TET3: variants seen among roughly 807,000 people sequenced by gnomAD.
TET3 encodes the protein methylcytosine dioxygenase TET3.
In TET3, 19 loss-of-function variants were observed where a neutral mutation model predicts 141.4. That is an observed-to-expected ratio of 0.13 (90% CI 0.09 to 0.20). The LOEUF (loss-of-function observed/expected upper bound fraction) is 0.20, where lower values mean the gene tolerates loss of function less well. TET3 is among the 10% of genes least tolerant of loss of function. The probability of loss-of-function intolerance (pLI) is 1.00; values close to 1 mark genes in which losing one functional copy is unlikely to be tolerated. For missense variants in TET3, 1,874 were observed against 2,356.9 expected, an observed-to-expected ratio of 0.80 and a Z score of 4.24; for synonymous variants, 1,043 against 980.9, an observed-to-expected ratio of 1.06 and a Z score of -1.18.
intron 2 of TET3, 39 bp from the exon 3 acceptor site, chr2:74,003,071 A>G: frequency 6.5e-7 from 1 of 1,549,644 alleles, no homozygotes; most frequent in African/African-American, 1.4e-5. Flanking sequence ...CCTTCCTGGT[A>G]CCCGCCTGGC....
At chr2:74,034,614 A>T (rs944669557) in intron 3 of TET3, among the ~76,000 whole-genome samples, 7 of 147,546 alleles carry the variant, frequency 4.7e-5, no homozygotes, top group Admixed American at 1.4e-4. Flanking sequence ...AGATTCTGGG[A>T]TTCATTGATG....
At chr2:74,020,490 A>G (rs909572529) in intron 3 of TET3, among the ~76,000 whole-genome samples, 2 of 152,282 alleles carry the variant, frequency 1.3e-5, no homozygotes, top group South Asian at 2.1e-4. Context: ...TTTGCATTTT[A>G]TATGTAAGCT....
At position 74,047,752 on chromosome 2, in the gene TET3, C is replaced by T. The variant is rs768610070; in HGVS notation, c.1835C>T (p.Ser612Phe). 3.1e-6 allele frequency: 5 copies of T among 1,613,794 alleles called. No homozygotes were observed. The South Asian group carries it at 5.5e-5, about 18-fold the overall frequency. ...CGAAAGCCCATTCAGATCAAGAAGT[C>T]CAGGCCCCGGGAAGCACAGCCCCTC... is the stretch of plus-strand genomic sequence containing the variant. The part of the protein sequence containing the change: ...SVRKPIQIKK[S>F]RPREAQPLFP... Residue 612 changes from serine to phenylalanine, a missense_variant, in exon 4 of 12, where the codon TCC becomes TTC. By Grantham distance (155) the Ser-to-Phe change is radical. Transcript: ENST00000409262.
In TET3 at chr2:74,101,054, G is replaced by C. The variant is rs374466497; in HGVS notation, c.4266G>C (p.Leu1422=). ...RDAGKMGKTP[L]SEVSQNGGPS... ...CTGGCAAGATGGGCAAGACACCTCT[G>C]TCCGAGGTGTCTCAGAATGGAGGAC... Residue 1422 remains leucine, a synonymous_variant, in exon 12 of 12, where the codon CTG becomes CTC. Coordinates refer to ENST00000409262, the MANE Select transcript of TET3 (RefSeq NM_001287491.2). This position sits in a 1 kb window ranked among gnomAD's most constrained non-coding sequence, Gnocchi z 8.5. 8.1e-6 allele frequency: 13 copies of C among 1,612,794 alleles called. No homozygotes were observed. In the Middle Eastern group the frequency reaches 4.9e-4, roughly 61 times the overall value.
At position 74,016,388 on chromosome 2, in the gene TET3, G is replaced by A. The variant is rs1685729798; in HGVS notation, c.360+13222G>A. ...CTGTTAGGTAGGGATAAAGAAAAAA[G>A]AGTGACATGATTCTTACATGCATTA... On this transcript the variant is annotated intron_variant, in intron 3 of 11. Coordinates refer to ENST00000409262, the MANE Select transcript of TET3 (RefSeq NM_001287491.2). 2.6e-5 allele frequency among the ~76,000 whole-genome samples: 4 copies of A among 151,798 alleles called. No homozygotes were observed. In the South Asian group the frequency reaches 6.2e-4, roughly 24 times the overall value.
intron 3 of TET3, among the ~76,000 whole-genome samples, chr2:74,020,413 G>T (rs981968824): frequency 6.6e-6 from 1 of 152,164 alleles, no homozygotes; most frequent in African/African-American, 2.4e-5. Flanking sequence ...GATTTCTGGG[G>T]CATAAGTGGT....
At chr2:74,100,350 G>A (rs1558794879) in intron 11 of TET3, 43 bp from the exon 12 acceptor site, 2 of 1,540,690 alleles carry the variant, frequency 1.3e-6, no homozygotes, top group Non-Finnish European at 1.8e-6. Flanking sequence ...TCCAGGCTGT[G>A]GTGTTGTCTG....
At position 74,101,987 on chromosome 2, in the gene TET3, C is replaced by G; in HGVS notation, c.5199C>G (p.Gly1733=). Residue 1733 remains glycine, a synonymous_variant, in exon 12 of 12, where the codon GGC becomes GGG. Coordinates refer to ENST00000409262, the MANE Select transcript of TET3 (RefSeq NM_001287491.2). This position sits in a 1 kb window ranked among gnomAD's most constrained non-coding sequence, Gnocchi z 8.5. ...RQEEAARLGL[G]QQEAKLYGKK... ...AGGAGGCTGCCCGGCTGGGCCTGGG[C>G]CAGCAGGAGGCCAAGCTCTACGGGA... 6.2e-7 allele frequency: 1 copy of G among 1,603,298 alleles called. No individual in the cohort carries two copies. The highest frequency in any genetic ancestry group is 8.5e-7 in the Non-Finnish European group (1 of 1,173,054).
At chr2:74,067,279 G>T (rs4574138) in intron 4 of TET3, among the ~76,000 whole-genome samples, 1 of 152,078 alleles carries the variant, frequency 6.6e-6, no homozygotes, top group Non-Finnish European at 1.5e-5. Context: ...CATCTCACCT[G>T]ATCTTCAACA....
the TET3 span, among the ~76,000 whole-genome samples, chr2:74,113,646 A>C: frequency 6.6e-6 from 1 of 152,158 alleles, no homozygotes; most frequent in Non-Finnish European, 1.5e-5. Context: ...ATTTCCATAC[A>C]TGTACAACAA....
the TET3 span, among the ~76,000 whole-genome samples, chr2:74,127,513 C>T: frequency 5.3e-5 from 8 of 152,258 alleles, no homozygotes; most frequent in South Asian, 1.5e-3. Flanking sequence ...CAGCTTTAGG[C>T]ATTTAACCAA....
At chr2:74,077,348 C>T (rs1689568158) in intron 5 of TET3, among the ~76,000 whole-genome samples, 1 of 152,208 alleles carries the variant, frequency 6.6e-6, no homozygotes, top group Non-Finnish European at 1.5e-5. Context: ...CCATTCCTAC[C>T]AAATTTCTAG....
chr2:74,127,924 C>A, the TET3 span, among the ~76,000 whole-genome samples: 10 of 152,122 alleles, frequency 6.6e-5, no homozygotes, highest in African/African-American at 2.4e-4. Context: ...AGAAAAAGTA[C>A]TGAAACAATT....
chr2:74,028,490 A>G (rs1189229392), intron 3 of TET3, among the ~76,000 whole-genome samples: 1 of 151,594 alleles, frequency 6.6e-6, no homozygotes, highest in Non-Finnish European at 1.5e-5. Context: ...GAGTTTTTGT[A>G]TATGGTGTGA....
chr2:74,013,264 G>A (rs959378723), intron 3 of TET3, among the ~76,000 whole-genome samples: 38 of 151,964 alleles, frequency 2.5e-4, no homozygotes, highest in Admixed American at 4.6e-4. Flanking sequence ...AAAGTGCTGG[G>A]ATTACAGGCA....
the TET3 span, among the ~76,000 whole-genome samples, chr2:74,119,238 A>G: frequency 6.6e-6 from 1 of 151,930 alleles, no homozygotes. Context: ...CTGTAATCCC[A>G]GATACTTCGG....
chr2:74,011,240 A>C lies in TET3; in HGVS notation c.360+8074A>C, dbSNP rs1180632719. ...GAGACTCCGTTTCAAAAAAAAAAAA[A>C]AAAAAACACTTTAAAAATTGAAGTA... On this transcript the variant is annotated intron_variant, in intron 3 of 11. Coordinates refer to ENST00000409262, the MANE Select transcript of TET3 (RefSeq NM_001287491.2). 5.3e-5 allele frequency among the ~76,000 whole-genome samples: 8 copies of C among 151,556 alleles called. No individual in the cohort carries two copies. The South Asian group carries it at 1.0e-3, about 20-fold the overall frequency.
At chr2:74,070,599 C>T (rs879178265) in intron 4 of TET3, among the ~76,000 whole-genome samples, 2 of 152,146 alleles carry the variant, frequency 1.3e-5, no homozygotes, top group African/African-American at 2.4e-5. Flanking sequence ...GAATATATTC[C>T]ATAATATCAC....
chr2:74,034,675 C>T (rs530306802), intron 3 of TET3, among the ~76,000 whole-genome samples: 21 of 150,876 alleles, frequency 1.4e-4, no homozygotes, highest in African/African-American at 5.1e-4. Context: ...ATTGTCCATT[C>T]TGTAGTTTAT....
Sources: allele counts gnomAD v4.1 joint callset (sites outside exome capture counted in the v4.1 genomes callset), GRCh38; gene constraint gnomAD v4.1.1; non-coding constraint Gnocchi (gnomAD v3.1); transcripts MANE v1.5; gene names NCBI Gene and HGNC (gene_info 2026-07-23, HGNC 2026-07-21).